Variants in EMILIN2 observed in about 807,000 individuals in gnomAD.
The protein encoded by EMILIN2 is EMILIN-2.
A neutral mutation model predicts 87.1 loss-of-function variants in EMILIN2; 71 were observed. The ratio of observed to expected loss-of-function variants is 0.82; its 90% CI spans 0.67 to 0.99. The LOEUF (loss-of-function observed/expected upper bound fraction) is 0.99. Ranked by LOEUF, EMILIN2 falls within the 50% of genes least tolerant of loss-of-function variation. The pLI is 0.00. For missense variants in EMILIN2, 1,407 were observed against 1,371.8 expected (o/e 1.03, Z -0.40); for synonymous variants, 581 against 563.4 (o/e 1.03, Z -0.44).
At position 2,847,306 on chromosome 18, in the gene EMILIN2, C is replaced by T; in HGVS notation, c.118C>T (p.Pro40Ser). 7.6e-7 allele frequency: 1 copy of T among 1,319,048 alleles called. No homozygotes were observed. The highest frequency in any genetic ancestry group is 9.6e-7 in the Non-Finnish European group (1 of 1,037,238). 81.7% of individuals were successfully genotyped at this position (1,319,048 alleles called of 1,614,324 possible). A position where few individuals can be genotyped will look rare whatever the true frequency, so the allele number is the denominator to read the frequency against. Residue 40 changes from proline to serine, a missense_variant, in exon 1 of 8, where the codon CCC becomes TCC. Transcript: ENST00000254528. This position sits in a 1 kb window ranked among gnomAD's most constrained non-coding sequence, Gnocchi z 4.5. Reference sequence around the variant, plus strand: ...CCCGCAGCCCGGGTATCCCGCGCGGCCCAGCGCCAGGAACAAGTAAGTGCG... The same window carrying T: ...CCCGCAGCCCGGGTATCCCGCGCGGTCCAGCGCCAGGAACAAGTAAGTGCG... The part of the protein sequence containing the change: ...AGPQPGYPAR[P>S]SARNKNWCAY...
chr18:2,885,625 T>C lies in EMILIN2; in HGVS notation c.433+486T>C, dbSNP rs2002313. ...CCTCTGCCTACCTGGTTCAAGCAAT[T>C]CTCCTGCCTTGGCCTCCGAGTAGCT... On this transcript the variant is annotated intron_variant, in intron 3 of 7. Coordinates refer to ENST00000254528, the MANE Select transcript of EMILIN2 (RefSeq NM_032048.3). 2.6e-5 allele frequency among the ~76,000 whole-genome samples: 4 copies of C among 152,158 alleles called. No homozygotes were observed. In the South Asian group the frequency reaches 8.3e-4, roughly 31 times the overall value.
At chr18:2,863,413 C>T (rs998878674) in intron 2 of EMILIN2, among the ~76,000 whole-genome samples, 9 of 151,972 alleles carry the variant, frequency 5.9e-5, no homozygotes, top group Non-Finnish European at 1.2e-4. Context: ...GATTGTGGTA[C>T]GTTGTGTCTT....
intron 4 of EMILIN2, among the ~76,000 whole-genome samples, chr18:2,898,205 G>T (rs888672840): frequency 3.3e-5 from 5 of 152,220 alleles, no homozygotes; most frequent in Non-Finnish European, 7.3e-5. Flanking sequence ...ATTACTCACA[G>T]GTATCCCCAC....
chr18:2,910,373 CG>C (rs2076934998), intron 7 of EMILIN2, among the ~76,000 whole-genome samples: 1 of 152,330 alleles, frequency 6.6e-6, no homozygotes, highest in Admixed American at 6.5e-5. Flanking sequence ...CCCCCTGCCC[CG>C]GGTTGTTGCT....
upstream of EMILIN2, chr18:2,846,837 G>GC: frequency 3.0e-6 from 3 of 985,386 alleles, no homozygotes; most frequent in Non-Finnish European, 3.6e-6. The surrounding 1 kb of genome is among the most constrained non-coding windows in gnomAD (Gnocchi z 5.3). Context: ...AAACCCTTTC[G>GC]CCCCTCCACC....
At chr18:2,858,569 ATGTGTG>A (rs1178571289) in intron 2 of EMILIN2, among the ~76,000 whole-genome samples, 11 of 55,400 alleles carry the variant, frequency 2.0e-4, no homozygotes, top group South Asian at 7.7e-4. Context: ...ATATATATAT[ATGTGTG>A]TGTGTGTGTA....
At position 2,848,062 on chromosome 18, in the gene EMILIN2, A is replaced by T; in HGVS notation, c.257+131A>T. 8.1e-7 allele frequency: 1 copy of T among 1,239,602 alleles called. No individual in the cohort carries two copies. Among genetic ancestry groups the T allele is most frequent in the Non-Finnish European group, 1.1e-6 (1 of 927,222 alleles). 76.8% of individuals were successfully genotyped at this position (1,239,602 alleles called of 1,614,324 possible). ...AGATCCGGTGAAAAGCCCGCAGCGGAAAAGCGCTCCGAGCGCTCGCGGGGC... is the reference window on the plus strand; with the variant it reads ...AGATCCGGTGAAAAGCCCGCAGCGGTAAAGCGCTCCGAGCGCTCGCGGGGC... On this transcript the variant is annotated intron_variant, in intron 2 of 7. Transcript: ENST00000254528. This position sits in a 1 kb window ranked among gnomAD's most constrained non-coding sequence, Gnocchi z 4.1.
intron 2 of EMILIN2, 55 bp from the exon 3 acceptor site, chr18:2,884,909 G>C: frequency 6.5e-7 from 1 of 1,526,746 alleles, no homozygotes; most frequent in Non-Finnish European, 8.8e-7. Context: ...TCTAGCGCCG[G>C]AAGTTGCTTG....
At chr18:2,901,435 GTCTT>G (rs571351763) in intron 4 of EMILIN2, among the ~76,000 whole-genome samples, 2 of 152,360 alleles carry the variant, frequency 1.3e-5, no homozygotes, top group East Asian at 3.9e-4. Flanking sequence ...TCTTAGGAAA[GTCTT>G]TGTTTTAATA....
At chr18:2,889,679 C>CT (rs1283881913) in intron 3 of EMILIN2, among the ~76,000 whole-genome samples, 11 of 119,462 alleles carry the variant, frequency 9.2e-5, no homozygotes, top group Admixed American at 1.7e-4. Context: ...CATTCTTCTT[C>CT]TTTTTTTCTT....
rs1040842224 is a variant in EMILIN2 at position 2,890,707 on chromosome 18, C to G, written c.580C>G (p.Leu194Val). The G allele has an allele frequency of 6.2e-6, 10 of 1,614,158 alleles. No homozygotes were observed. The highest frequency in any genetic ancestry group is 5.9e-6 in the Non-Finnish European group (7 of 1,180,018). The change falls in exon 4 of 8, where the codon CTC becomes GTC. Residue 194 changes from leucine (L) to valine (V), a missense_variant. Coordinates refer to ENST00000254528, the MANE Select transcript of EMILIN2 (RefSeq NM_032048.3). The surrounding 1 kb of genome is among the most constrained non-coding windows in gnomAD (Gnocchi z 4.7). Reference sequence around the variant, plus strand: ...GGTGCTAGAGGAGAAGGTTCTTCGACTCACAAGGACGGTTCTTGACCTCCA... The same window carrying G: ...GGTGCTAGAGGAGAAGGTTCTTCGAGTCACAAGGACGGTTCTTGACCTCCA... ...IQVLEEKVLR[L>V]TRTVLDLQSS... is the part of the protein sequence containing the mutation.
intron 2 of EMILIN2, among the ~76,000 whole-genome samples, chr18:2,876,184 T>C (rs1598492680): frequency 6.6e-6 from 1 of 151,790 alleles, no homozygotes; most frequent in East Asian, 2.0e-4. Context: ...GGTTTCACAA[T>C]GTTAGCCAGG....
intron 2 of EMILIN2, among the ~76,000 whole-genome samples, chr18:2,849,200 A>G (rs558485474): frequency 6.6e-6 from 1 of 152,332 alleles, no homozygotes; most frequent in Admixed American, 6.5e-5. Flanking sequence ...CCAGCAGTCA[A>G]CGACATCAGA....
At chr18:2,865,119 T>C (rs1353171193) in intron 2 of EMILIN2, among the ~76,000 whole-genome samples, 1 of 152,198 alleles carries the variant, frequency 6.6e-6, no homozygotes, top group Non-Finnish European at 1.5e-5. Context: ...GCCATTTGTC[T>C]AATTTTTTTT....
chr18:2,899,831 A>T (rs148191455), intron 4 of EMILIN2, among the ~76,000 whole-genome samples: 277 of 152,320 alleles, frequency 1.8e-3, no homozygotes, highest in African/African-American at 5.6e-3. Context: ...AAAAAAATTT[A>T]AAAATTCCAA....
intron 2 of EMILIN2, among the ~76,000 whole-genome samples, chr18:2,864,612 G>A (rs570569100): frequency 1.3e-5 from 2 of 152,284 alleles, no homozygotes; most frequent in South Asian, 2.1e-4. Flanking sequence ...GCTTCCCTTT[G>A]TGGGTAACCT....
chr18:2,883,485 A>G (rs1288768365), intron 2 of EMILIN2, among the ~76,000 whole-genome samples: 1 of 152,230 alleles, frequency 6.6e-6, no homozygotes, highest in East Asian at 1.9e-4. Context: ...GAAGAGCTTC[A>G]AGAGAGATGA....
At chr18:2,859,412 G>C (rs996112237) in intron 2 of EMILIN2, among the ~76,000 whole-genome samples, 1 of 152,030 alleles carries the variant, frequency 6.6e-6, no homozygotes, top group Non-Finnish European at 1.5e-5. Flanking sequence ...TTTTTGATGG[G>C]ATTGTTTGTT....
Position 2,868,296 on chromosome 18 carries a change from G to A in EMILIN2, c.258-16668G>A, listed in dbSNP as rs1222001446. Among the ~76,000 whole-genome samples the A allele has an allele frequency of 3.9e-3, 591 of 151,650 alleles. 5 individuals carry two copies. Among genetic ancestry groups the A allele is most frequent in the African/African-American group, 0.013 (548 of 41,298 alleles). ...TAGATGGGATGGCGGCGGGGAAGAGGCGCTCCTCACTTTCCAGACTGGGCA... is the reference window on the plus strand; with the variant it reads ...TAGATGGGATGGCGGCGGGGAAGAGACGCTCCTCACTTTCCAGACTGGGCA... On this transcript the variant is annotated intron_variant, in intron 2 of 7. Coordinates refer to ENST00000254528, the MANE Select transcript of EMILIN2 (RefSeq NM_032048.3).
Sources: gnomAD v4.1 joint callset for allele counts (sites outside exome capture counted in the v4.1 genomes callset) on GRCh38, gnomAD v4.1.1 for gene constraint, Gnocchi (gnomAD v3.1) non-coding constraint, MANE v1.5 for transcripts, NCBI Gene and HGNC (gene_info 2026-07-23, HGNC 2026-07-21) for gene names.